Variants in PCDHGA9 observed in about 807,000 individuals in gnomAD.
PCDHGA9 encodes the protein protocadherin gamma-A9.
A neutral mutation model predicts 62.5 loss-of-function variants in PCDHGA9; 37 were observed. The ratio of observed to expected loss-of-function variants is 0.59; its 90% CI spans 0.46 to 0.78. PCDHGA9 has a LOEUF of 0.78. PCDHGA9 is among the 30% of genes least tolerant of loss of function. The pLI is 0.00. For synonymous variants in PCDHGA9, 459 were observed against 484.6 expected (o/e 0.95, Z 0.69); for missense variants, 1,138 against 1,166.2 (o/e 0.98, Z 0.35).
rs73280911 is a variant in PCDHGA9, at chr5:141,446,356, A to C, written c.2424+40980A>C. Among the ~76,000 whole-genome samples the C allele has an allele frequency of 2.0e-5, 3 of 152,188 alleles. No individual in the cohort carries two copies. In the South Asian group the frequency reaches 6.2e-4, roughly 31 times the overall value. On this transcript the variant is annotated intron_variant, in intron 1 of 3. Transcript: ENST00000573521. ...ACTGGATGGACAAAGCTACCATTTGATGAGAATGGAAGACTAAAGAATGAT... is the reference window on the plus strand; with the variant it reads ...ACTGGATGGACAAAGCTACCATTTGCTGAGAATGGAAGACTAAAGAATGAT...
intron 2 of PCDHGA9, 114 bp from the exon 3 acceptor site, chr5:141,505,279 C>T: frequency 6.5e-7 from 1 of 1,541,274 alleles, no homozygotes; most frequent in Non-Finnish European, 8.7e-7. Context: ...AGAAACAGGT[C>T]TTGGGCATGG....
chr5:141,452,587 A>G (rs1171400700), intron 1 of PCDHGA9, among the ~76,000 whole-genome samples: 1 of 151,948 alleles, frequency 6.6e-6, no homozygotes, highest in Non-Finnish European at 1.5e-5. Context: ...CCATCTTTGT[A>G]TTTTTATTTT....
Position 141,434,784 on chromosome 5 carries a change from AT to A in PCDHGA9, c.2424+29417del, listed in dbSNP as rs201914459. On this transcript the variant is annotated intron_variant, in intron 1 of 3. Transcript: ENST00000573521. The stretch of plus-strand genomic sequence containing the variant: ...ACTTCACACTTCTAAAAAAAAAAAA[AT>A]TTTTTTTTCTGAGCTTGGAGAAATA... Among the ~76,000 whole-genome samples the A allele has an allele frequency of 3.3e-4, 49 of 150,342 alleles. 1 individual carries two copies. Among genetic ancestry groups the A allele is most frequent in the Middle Eastern group, 3.4e-3 (1 of 290 alleles).
intron 2 of PCDHGA9, among the ~76,000 whole-genome samples, chr5:141,504,909 G>C (rs948719729): frequency 6.6e-6 from 1 of 152,002 alleles, no homozygotes; most frequent in Non-Finnish European, 1.5e-5. Context: ...ACTATGACAG[G>C]AAGCCAGGCT....
rs2099811015 is a variant in PCDHGA9 at position 141,501,774 on chromosome 5, G to GTC, written c.2484-3612_2484-3611dup. ...CTCTCAGTAAATGGTTAAAAAAGAG[G>GTC]TCTCTCTCCCTCTGCTCATCTCTTA... is the stretch of plus-strand genomic sequence containing the variant. On this transcript the variant is annotated intron_variant, in intron 2 of 3. Coordinates refer to ENST00000573521, the MANE Select transcript of PCDHGA9 (RefSeq NM_018921.3). Among the ~76,000 whole-genome samples, 3 of 152,062 alleles carry GTC rather than the reference G, an allele frequency of 2.0e-5. No homozygotes were observed. In the South Asian group the frequency reaches 6.2e-4, roughly 32 times the overall value.
chr5:141,422,092 G>A (rs2154549502), intron 1 of PCDHGA9: 6 of 1,611,520 alleles, frequency 3.7e-6, no homozygotes, highest in Non-Finnish European at 5.1e-6. Flanking sequence ...GGAAAGCAAG[G>A]CTTCTGAAAT....
intron 1 of PCDHGA9, among the ~76,000 whole-genome samples, chr5:141,472,527 G>A (rs905459978): frequency 1.3e-5 from 2 of 151,468 alleles, no homozygotes; most frequent in African/African-American, 4.9e-5. Flanking sequence ...GTGACAGAGT[G>A]AGACACCATC....
intron 1 of PCDHGA9, chr5:141,413,387 T>A (rs902208287): frequency 1.2e-6 from 2 of 1,613,908 alleles, no homozygotes; most frequent in Non-Finnish European, 1.7e-6. Context: ...GTCCGCATAG[T>A]CTCCAGAGGT....
At chr5:141,488,268 C>T (rs1371050827) in intron 1 of PCDHGA9, among the ~76,000 whole-genome samples, 1 of 152,170 alleles carries the variant, frequency 6.6e-6, no homozygotes, top group East Asian at 1.9e-4. Context: ...GCGGGTTGGT[C>T]ATCACCTTTG....
Position 141,403,306 on chromosome 5 carries a change from A to C in PCDHGA9, c.354A>C (p.Gly118=). The C allele has an allele frequency of 6.2e-7, 1 of 1,613,908 alleles. No homozygotes were observed. The highest frequency in any genetic ancestry group is 8.5e-7 in the Non-Finnish European group (1 of 1,179,906). ...TTGAAGACAGAGTGAAACTGTACGG[A>C]ATAGAAATAGAAGTAACTGATATTA... ...VLVEDRVKLY[G]IEIEVTDIND... Residue 118 remains glycine, a synonymous_variant, in exon 1 of 4, where the codon GGA becomes GGC. Coordinates refer to ENST00000573521, the MANE Select transcript of PCDHGA9 (RefSeq NM_018921.3).
At chr5:141,408,838 G>A in intron 1 of PCDHGA9, 1 of 1,613,588 alleles carries the variant, frequency 6.2e-7, no homozygotes, top group African/African-American at 1.3e-5. Flanking sequence ...GCTTGATATT[G>A]ACTGCCTTGG....
chr5:141,445,814 TA>T (rs1554133713), intron 1 of PCDHGA9, among the ~76,000 whole-genome samples: 1 of 152,182 alleles, frequency 6.6e-6, no homozygotes, highest in Non-Finnish European at 1.5e-5. Context: ...TAGATGAAAC[TA>T]ATAAGGCAGG....
At position 141,403,856 on chromosome 5, in the gene PCDHGA9, T is replaced by A; in HGVS notation, c.904T>A (p.Ser302Thr). 1 of 1,613,604 alleles carries A rather than the reference T, an allele frequency of 6.2e-7. No individual in the cohort carries two copies. Among genetic ancestry groups the A allele is most frequent in the Non-Finnish European group, 8.5e-7 (1 of 1,179,798 alleles). Residue 302 changes from serine (S) to threonine (T), a missense_variant, in exon 1 of 4, where the codon TCA (serine) becomes ACA (threonine). Transcript: ENST00000573521. ...GCTTAATGAAAATACTGGGGAAATA[T>A]CAACAGCAAAAAGTCTAGATTATGA... ...FQLNENTGEISTAKSLDYEEC... is the reference protein window; with the variant it reads ...FQLNENTGEITTAKSLDYEEC...
chr5:141,481,142 G>T (rs2099532501), intron 1 of PCDHGA9, among the ~76,000 whole-genome samples: 1 of 152,212 alleles, frequency 6.6e-6, no homozygotes, highest in Non-Finnish European at 1.5e-5. Context: ...GAAGTAAAGT[G>T]TTATTCTGGT....
In PCDHGA9 at chr5:141,491,633, C is replaced by T; in HGVS notation, c.2425-3174C>T. Reference sequence around the variant, plus strand: ...CTAAGACCCCTCAGCGTTCAGCAGCCCACAGCTCTGGCGCTGGAGCCTGAC... The same window carrying T: ...CTAAGACCCCTCAGCGTTCAGCAGCTCACAGCTCTGGCGCTGGAGCCTGAC... On this transcript the variant is annotated intron_variant, in intron 1 of 3. Transcript: ENST00000573521. This position sits in a 1 kb window ranked among gnomAD's most constrained non-coding sequence, Gnocchi z 6.9. 2 of 1,613,916 alleles carry T rather than the reference C, an allele frequency of 1.2e-6. No homozygotes were observed.
At chr5:141,461,441 T>A (rs959248029) in intron 1 of PCDHGA9, among the ~76,000 whole-genome samples, 7 of 152,194 alleles carry the variant, frequency 4.6e-5, no homozygotes, top group Admixed American at 4.6e-4. Flanking sequence ...TACCTTCTTT[T>A]GAGAAATGGC....
rs780268305 is a variant in PCDHGA9, at chr5:141,410,637, T to G, written c.2424+5261T>G. 1.9e-6 allele frequency: 3 copies of G among 1,599,938 alleles called. No homozygotes were observed. In the South Asian group the frequency reaches 3.3e-5, roughly 18 times the overall value. ...CTGACTTCGGTGAGTTTCTCTTTTT[T>G]GTGTGTGATTTATCTAATAGTCTAC... On this transcript the variant is annotated intron_variant, in intron 1 of 3. Transcript: ENST00000573521.
At position 141,404,445 on chromosome 5, in the gene PCDHGA9, G is replaced by GT; in HGVS notation, c.1493_1494insT (p.Ser499ValfsTer10). On this transcript the variant is annotated frameshift_variant, in exon 1 of 4. Coordinates refer to ENST00000573521, the MANE Select transcript of PCDHGA9 (RefSeq NM_018921.3). LOFTEE classifies it high-confidence loss of function. ...TCCTTGGCAGAGGATACCATCCAAG[G>GT]GTCTCCTCTCTCCACCTATGTCTCT... 6.2e-7 allele frequency: 1 copy of GT among 1,613,280 alleles called. No homozygotes were observed. Among genetic ancestry groups the GT allele is most frequent in the Non-Finnish European group, 8.5e-7 (1 of 1,179,400 alleles).
At position 141,477,830 on chromosome 5, in the gene PCDHGA9, C is replaced by T; in HGVS notation, c.2425-16977C>T. ...TGCCCCCCAGGTCCTATATCCTCGG[C>T]CAGGTGGGAGCTCGGTGGAGATGCT... is the stretch of plus-strand genomic sequence containing the variant. On this transcript the variant is annotated intron_variant, in intron 1 of 3. Transcript: ENST00000573521. The surrounding 1 kb of genome is among the most constrained non-coding windows in gnomAD (Gnocchi z 4.9). 1 of 1,614,170 alleles carries T rather than the reference C, an allele frequency of 6.2e-7. No individual in the cohort carries two copies. Among genetic ancestry groups the T allele is most frequent in the Non-Finnish European group, 8.5e-7 (1 of 1,180,038 alleles).
Sources: allele counts gnomAD v4.1 joint callset (sites outside exome capture counted in the v4.1 genomes callset), GRCh38; gene constraint gnomAD v4.1.1; non-coding constraint Gnocchi (gnomAD v3.1); transcripts MANE v1.5; gene names NCBI Gene and HGNC (gene_info 2026-07-23, HGNC 2026-07-21).